Variants in TSPYL4 observed in about 807,000 individuals in gnomAD.
The protein encoded by TSPYL4 is TSPY like 4.
In TSPYL4, 22 loss-of-function variants were observed where a neutral mutation model predicts 24.2. The observed-to-expected ratio is 0.91, with a 90% CI of 0.65 to 1.30. The LOEUF (loss-of-function observed/expected upper bound fraction) is 1.30. Ranked by LOEUF, TSPYL4 falls within the 50% of genes most tolerant of loss-of-function variation. The probability of loss-of-function intolerance (pLI) is 0.00; values close to 1 mark genes in which losing one functional copy is unlikely to be tolerated. For synonymous variants in TSPYL4, 211 were observed against 208.2 expected, an observed-to-expected ratio of 1.01 and a Z score of -0.12; for missense variants, 569 against 536.7, an observed-to-expected ratio of 1.06 and a Z score of -0.60.
In TSPYL4 at chr6:116,251,185, A is replaced by C. The variant is rs1306745192; in HGVS notation, c.*1579T>G. ...CCTAGAAGCAGTCCAAGGCCCAAAA[A>C]AGAATTTCCATCTTTAGAAAAGTGG... On this transcript the variant is annotated 3_prime_UTR_variant, in exon 1 of 1. Coordinates refer to ENST00000420283, the MANE Select transcript of TSPYL4 (RefSeq NM_021648.5). 3 of 398,568 alleles carry C rather than the reference A, an allele frequency of 7.5e-6. No individual in the cohort carries two copies. In the Admixed American group the frequency reaches 1.3e-4, roughly 18 times the overall value. The allele number at this position is 398,568 out of a possible 1,614,324, so 24.7% of individuals were successfully genotyped here.
At position 116,253,599 on chromosome 6, in the gene TSPYL4, C is replaced by A. The variant is rs997436497; in HGVS notation, c.410G>T (p.Gly137Val). ...GQKALEACGAGGLGSQMIPGK... is the reference protein window; with the variant it reads ...GQKALEACGAVGLGSQMIPGK... ...CGGTATCATCTGAGACCCCAAGCCC[C>A]CTGCGCCACAGGCTTCTAGAGCCTT... Residue 137 changes from glycine (G) to valine (V), a missense_variant, in exon 1 of 1, where the codon GGG becomes GTG. By Grantham distance (109) the Gly-to-Val change is moderately radical. Coordinates refer to ENST00000420283, the MANE Select transcript of TSPYL4 (RefSeq NM_021648.5). The surrounding 1 kb of genome is among the most constrained non-coding windows in gnomAD (Gnocchi z 4.3). 1 of 1,552,704 alleles carries A rather than the reference C, an allele frequency of 6.4e-7. No homozygotes were observed. Among genetic ancestry groups the A allele is most frequent in the Non-Finnish European group, 8.7e-7 (1 of 1,147,360 alleles).
chr6:116,252,700 C>G lies in TSPYL4; in HGVS notation c.*64G>C. 1 of 1,468,218 alleles carries G rather than the reference C, an allele frequency of 6.8e-7. No individual in the cohort carries two copies. The highest frequency in any genetic ancestry group is 2.5e-5 in the East Asian group (1 of 40,802). The allele number at this position is 1,468,218 out of a possible 1,614,324, so 90.9% of individuals were successfully genotyped here. A position where few individuals can be genotyped will look rare whatever the true frequency, so the allele number is the denominator to read the frequency against. Reference sequence around the variant, plus strand: ...CAGATGGAAGACTGCATGCTGTTGGCCAAGCATAGGTCCAAGAGGAGGTGG... The same window carrying G: ...CAGATGGAAGACTGCATGCTGTTGGGCAAGCATAGGTCCAAGAGGAGGTGG... On this transcript the variant is annotated 3_prime_UTR_variant, in exon 1 of 1. Coordinates refer to ENST00000420283, the MANE Select transcript of TSPYL4 (RefSeq NM_021648.5).
In TSPYL4 at chr6:116,253,258, G is replaced by A; in HGVS notation, c.751C>T (p.Pro251Ser). 2 of 1,612,448 alleles carry A rather than the reference G, an allele frequency of 1.2e-6. No homozygotes were observed. The highest frequency in any genetic ancestry group is 8.5e-7 in the Non-Finnish European group (1 of 1,179,168). ...QRRSFIIQNI[P>S]GFWVTAFRNH... is the part of the protein sequence containing the mutation. ...CGAAAGGCAGTAACCCAGAAACCTG[G>A]GATATTCTGGATAATGAAACTTCTG... The change falls in exon 1 of 1, where the codon CCA becomes TCA. Residue 251 changes from proline to serine, a missense_variant. Transcript: ENST00000420283. The surrounding 1 kb of genome is among the most constrained non-coding windows in gnomAD (Gnocchi z 4.3).
chr6:116,253,946 G>A lies in TSPYL4; in HGVS notation c.63C>T (p.Pro21=), dbSNP rs765271762. 1.0e-5 allele frequency: 16 copies of A among 1,607,564 alleles called. No homozygotes were observed. The highest frequency in any genetic ancestry group is 2.2e-5 in the South Asian group (2 of 90,394). Residue 21 remains proline, a synonymous_variant, in exon 1 of 1, where the codon CCC becomes CCT. Coordinates refer to ENST00000420283, the MANE Select transcript of TSPYL4 (RefSeq NM_021648.5). The surrounding 1 kb of genome is among the most constrained non-coding windows in gnomAD (Gnocchi z 4.3). ...PLAQTGGLAA[P]DHASGDPDRD... ...GGTCCGGATCTCCTGAGGCATGGTC[G>A]GGAGCAGCCAGGCCGCCGGTTTGGG...
Position 116,254,036 on chromosome 6 carries a change from G to A in TSPYL4, c.-28C>T. 2 of 1,539,386 alleles carry A rather than the reference G, an allele frequency of 1.3e-6. No homozygotes were observed. The highest frequency in any genetic ancestry group is 1.7e-6 in the Non-Finnish European group (2 of 1,143,784). On this transcript the variant is annotated 5_prime_UTR_variant, in exon 1 of 1. Coordinates refer to ENST00000420283, the MANE Select transcript of TSPYL4 (RefSeq NM_021648.5). ...TGGAAGAAGTCAGACTAGTGGGAGA[G>A]GGAGAGTTCCTTGTCCTCCGCAGCG...
In TSPYL4 at chr6:116,252,959, A is replaced by G; in HGVS notation, c.1050T>C (p.Thr350=). 6.2e-7 allele frequency: 1 copy of G among 1,614,044 alleles called. No homozygotes were observed. Among genetic ancestry groups the G allele is most frequent in the Non-Finnish European group, 8.5e-7 (1 of 1,179,938 alleles). ...AHIHRNREGN[T]IPSFFNWFSD... ...AAAACCAGTTGAAGAAACTAGGGAT[A>G]GTGTTCCCTTCCCGGTTTCTGTGGA... The change falls in exon 1 of 1, where the codon ACT becomes ACC. Residue 350 remains threonine, a synonymous_variant. Transcript: ENST00000420283.
In TSPYL4 at chr6:116,251,519, C is replaced by T; in HGVS notation, c.*1245G>A. On this transcript the variant is annotated 3_prime_UTR_variant, in exon 1 of 1. Transcript: ENST00000420283. Reference sequence around the variant, plus strand: ...AGATCTGGAGCCCATTTAATCATAACCTTTCTCTCTGAACACAATCAGGGA... The same window carrying T: ...AGATCTGGAGCCCATTTAATCATAATCTTTCTCTCTGAACACAATCAGGGA... 1 of 341,218 alleles carries T rather than the reference C, an allele frequency of 2.9e-6. No homozygotes were observed. The highest frequency in any genetic ancestry group is 5.2e-6 in the Non-Finnish European group (1 of 191,262). 21.1% of individuals were successfully genotyped at this position (341,218 alleles called of 1,614,324 possible).
chr6:116,250,259 TAAGAA>T lies in TSPYL4; in HGVS notation c.*2500_*2504del, dbSNP rs1459294643. 1 of 152,652 alleles carries T rather than the reference TAAGAA, an allele frequency of 6.6e-6. No homozygotes were observed. Among genetic ancestry groups the T allele is most frequent in the East Asian group, 1.9e-4 (1 of 5,204 alleles). 9.5% of individuals were successfully genotyped at this position (152,652 alleles called of 1,614,324 possible). On this transcript the variant is annotated 3_prime_UTR_variant, in exon 1 of 1. Transcript: ENST00000420283. ...AAAGATCACATTCAAATTATATTTC[TAAGAA>T]TAGAGCCATATATGAACAGAGAGCA...
In TSPYL4 at chr6:116,251,093, A is replaced by G; in HGVS notation, c.*1671T>C. 5.0e-6 allele frequency: 2 copies of G among 398,274 alleles called. No individual in the cohort carries two copies. The highest frequency in any genetic ancestry group is 8.8e-6 in the Non-Finnish European group (2 of 225,992). 24.7% of individuals were successfully genotyped at this position (398,274 alleles called of 1,614,324 possible). ...CCAAGAAAGCCAGGCAGTAGGATGG[A>G]GACCCAAGGGACATCAGGGCAGAAA... On this transcript the variant is annotated 3_prime_UTR_variant, in exon 1 of 1. Coordinates refer to ENST00000420283, the MANE Select transcript of TSPYL4 (RefSeq NM_021648.5).
In TSPYL4 at chr6:116,252,841, C is replaced by T. The variant is rs1291519271; in HGVS notation, c.1168G>A (p.Gly390Arg). 1 of 1,600,002 alleles carries T rather than the reference C, an allele frequency of 6.2e-7. No individual in the cohort carries two copies. Among genetic ancestry groups the T allele is most frequent in the Non-Finnish European group, 8.5e-7 (1 of 1,172,574 alleles). ...GGGCCTCGAATTCCTCTACGGGGCC[C>T]TTCACCCATCAGGTAGTATTGTAGG... is the stretch of plus-strand genomic sequence containing the variant. ...NPLQYYLMGEGPRRGIRGPPR... is the reference protein window; with the variant it reads ...NPLQYYLMGERPRRGIRGPPR... The change falls in exon 1 of 1, where the codon GGG becomes AGG. Residue 390 changes from glycine (G) to arginine (R), a missense_variant. By Grantham distance (125) the Gly-to-Arg change is moderately radical (BLOSUM62 -2). Transcript: ENST00000420283.
chr6:116,251,577 A>C lies in TSPYL4; in HGVS notation c.*1187T>G, dbSNP rs1262982942. On this transcript the variant is annotated 3_prime_UTR_variant, in exon 1 of 1. Coordinates refer to ENST00000420283, the MANE Select transcript of TSPYL4 (RefSeq NM_021648.5). Reference sequence around the variant, plus strand: ...AATTAAACAAAAAGCCTGCTTTGCCAGTTTTGTTTTCTGTTAATAAGCTAA... The same window carrying C: ...AATTAAACAAAAAGCCTGCTTTGCCCGTTTTGTTTTCTGTTAATAAGCTAA... 1 of 153,678 alleles carries C rather than the reference A, an allele frequency of 6.5e-6. No individual in the cohort carries two copies. The highest frequency in any genetic ancestry group is 1.3e-5 in the Non-Finnish European group (1 of 74,552). 9.5% of individuals were successfully genotyped at this position (153,678 alleles called of 1,614,324 possible).
In TSPYL4 at chr6:116,250,996, C is replaced by A; in HGVS notation, c.*1768G>T. On this transcript the variant is annotated 3_prime_UTR_variant, in exon 1 of 1. Coordinates refer to ENST00000420283, the MANE Select transcript of TSPYL4 (RefSeq NM_021648.5). ...CTACAAGGAGGCTGGAGATCTTCCA[C>A]AATGCAGGCTGCAGCCTGCTTCTTC... 2.6e-6 allele frequency: 1 copy of A among 390,918 alleles called. No individual in the cohort carries two copies. 24.2% of individuals were successfully genotyped at this position (390,918 alleles called of 1,614,324 possible).
rs1199381352 is a variant in TSPYL4, at chr6:116,253,596, C to T, written c.413G>A (p.Gly138Asp). 4 of 1,552,462 alleles carry T rather than the reference C, an allele frequency of 2.6e-6. No homozygotes were observed. In the South Asian group the frequency reaches 3.6e-5, roughly 14 times the overall value. ...QKALEACGAG[G>D]LGSQMIPGKK... ...CCCCGGTATCATCTGAGACCCCAAGCCCCCTGCGCCACAGGCTTCTAGAGC... is the reference window on the plus strand; with the variant it reads ...CCCCGGTATCATCTGAGACCCCAAGTCCCCTGCGCCACAGGCTTCTAGAGC... Residue 138 changes from glycine to aspartate, a missense_variant, in exon 1 of 1, where the codon GGC (glycine) becomes GAC (aspartate). Transcript: ENST00000420283. This position sits in a 1 kb window ranked among gnomAD's most constrained non-coding sequence, Gnocchi z 4.3.
rs368228505 is a variant in TSPYL4, at chr6:116,252,924, C to T, written c.1085G>A (p.Ser362Asn). ...TGCAATTCTGTCGAATTCTAGAAGG[C>T]TGTGGTCTGAAAACCAGTTGAAGAA... is the stretch of plus-strand genomic sequence containing the variant. The part of the protein sequence containing the change: ...PSFFNWFSDH[S>N]LLEFDRIAEI... The change falls in exon 1 of 1, where the codon AGC becomes AAC. Residue 362 changes from serine to asparagine, a missense_variant. Ser to Asn is a conservative substitution (Grantham distance 46, BLOSUM62 1). Coordinates refer to ENST00000420283, the MANE Select transcript of TSPYL4 (RefSeq NM_021648.5). 8.1e-6 allele frequency: 13 copies of T among 1,612,812 alleles called. No individual in the cohort carries two copies. The African/African-American group carries it at 1.6e-4, about 20-fold the overall frequency.
Position 116,253,173 on chromosome 6 carries a change from A to T in TSPYL4, c.836T>A (p.Met279Lys). The T allele has an allele frequency of 6.2e-7, 1 of 1,614,064 alleles. No individual in the cohort carries two copies. The highest frequency in any genetic ancestry group is 8.5e-7 in the Non-Finnish European group (1 of 1,179,958). Residue 279 changes from methionine (M) to lysine (K), a missense_variant, in exon 1 of 1, where the codon ATG becomes AAG. Met to Lys is a moderately conservative substitution (Grantham distance 95, BLOSUM62 -1). Coordinates refer to ENST00000420283, the MANE Select transcript of TSPYL4 (RefSeq NM_021648.5). The surrounding 1 kb of genome is among the most constrained non-coding windows in gnomAD (Gnocchi z 4.3). Reference protein sequence around the residue: ...SGQDEDMLRYMINLEVEELKH... With the variant: ...SGQDEDMLRYKINLEVEELKH... ...AAGCTCCTCCACCTCCAAATTGATC[A>T]TGTACCTCAGCATGTCTTCATCTTG...
Position 116,252,776 on chromosome 6 carries a change from G to C in TSPYL4, c.1233C>G (p.Phe411Leu). 1 of 1,594,718 alleles carries C rather than the reference G, an allele frequency of 6.3e-7. No individual in the cohort carries two copies. The highest frequency in any genetic ancestry group is 8.5e-7 in the Non-Finnish European group (1 of 1,169,734). Residue 411 changes from phenylalanine (F) to leucine (L), a missense_variant, in exon 1 of 1, where the codon TTC becomes TTG. By Grantham distance (22) the Phe-to-Leu change is conservative. Transcript: ENST00000420283. ...CACAGGACAGAGATTAGCCAGACTGGAACCTGAAGGATCTGGCGCTCTCCA... is the reference window on the plus strand; with the variant it reads ...CACAGGACAGAGATTAGCCAGACTGCAACCTGAAGGATCTGGCGCTCTCCA... ...QPVESARSFR[F>L]QSG
rs1403600910 is a variant in TSPYL4, at chr6:116,250,870, T to C, written c.*1894A>G. On this transcript the variant is annotated 3_prime_UTR_variant, in exon 1 of 1. Coordinates refer to ENST00000420283, the MANE Select transcript of TSPYL4 (RefSeq NM_021648.5). ...AAAGGGTGATGGTGGATGGTCTTTATCACCACACATGATCATAACTAAGCC... is the reference window on the plus strand; with the variant it reads ...AAAGGGTGATGGTGGATGGTCTTTACCACCACACATGATCATAACTAAGCC... 1 of 247,168 alleles carries C rather than the reference T, an allele frequency of 4.0e-6. No individual in the cohort carries two copies. Among genetic ancestry groups the C allele is most frequent in the East Asian group, 7.3e-5 (1 of 13,784 alleles). 15.3% of individuals were successfully genotyped at this position (247,168 alleles called of 1,614,324 possible). A position where few individuals can be genotyped will look rare whatever the true frequency, so the allele number is the denominator to read the frequency against.
rs1030877768 is a variant in TSPYL4 at position 116,250,733 on chromosome 6, T to C, written c.*2031A>G. ...ACCCACGCCACAGCAGGCTCATTCCTGCTCTGGACTTTTACTCAGTTTCCC... is the reference window on the plus strand; with the variant it reads ...ACCCACGCCACAGCAGGCTCATTCCCGCTCTGGACTTTTACTCAGTTTCCC... On this transcript the variant is annotated 3_prime_UTR_variant, in exon 1 of 1. Transcript: ENST00000420283. 6.5e-6 allele frequency: 1 copy of C among 152,870 alleles called. No homozygotes were observed. Among genetic ancestry groups the C allele is most frequent in the South Asian group, 2.1e-4 (1 of 4,844 alleles). 9.5% of individuals were successfully genotyped at this position (152,870 alleles called of 1,614,324 possible). A position where few individuals can be genotyped will look rare whatever the true frequency, so the allele number is the denominator to read the frequency against.
rs1277815888 is a variant in TSPYL4, at chr6:116,253,202, A to G, written c.807T>C (p.Ser269=). Residue 269 remains serine, a synonymous_variant, in exon 1 of 1, where the codon AGT becomes AGC. Transcript: ENST00000420283. The surrounding 1 kb of genome is among the most constrained non-coding windows in gnomAD (Gnocchi z 4.3). The part of the protein sequence containing the change: ...RNHPQLSPMI[S]GQDEDMLRYM... ...ACCTCAGCATGTCTTCATCTTGGCC[A>G]CTGATCATAGGTGACAGCTGGGGGT... The G allele has an allele frequency of 6.2e-7, 1 of 1,614,012 alleles. No individual in the cohort carries two copies. The highest frequency in any genetic ancestry group is 8.5e-7 in the Non-Finnish European group (1 of 1,179,954).
Sources: allele counts gnomAD v4.1 joint callset, GRCh38; gene constraint gnomAD v4.1.1; non-coding constraint Gnocchi (gnomAD v3.1); transcripts MANE v1.5; gene names NCBI Gene and HGNC (gene_info 2026-07-23, HGNC 2026-07-21).